Variants in SYVN1 observed in about 807,000 individuals in gnomAD.
SYVN1 encodes synoviolin 1.
Under a neutral mutation model 62.6 loss-of-function variants are expected in SYVN1, and 17 were observed. That is an observed-to-expected ratio of 0.27 (90% confidence interval 0.19 to 0.41). SYVN1 has a LOEUF of 0.41. Ranked by LOEUF, SYVN1 falls within the 10% of genes least tolerant of loss-of-function variation. SYVN1 has a pLI of 1.00. For missense variants in SYVN1, 634 were observed against 818.0 expected (o/e 0.78, Z 2.74); for synonymous variants, 316 against 304.0 (o/e 1.04, Z -0.41).
intron 14 of SYVN1, 93 bp from the exon 15 acceptor site, chr11:65,128,807 T>A (rs891544362): frequency 9.9e-6 from 13 of 1,317,458 alleles, no homozygotes; most frequent in Non-Finnish European, 1.3e-5. Flanking sequence ...GAACAGAGTA[T>A]AGAATGATGT....
At chr11:65,131,897 A>G (rs1460409178) in intron 6 of SYVN1, among the ~76,000 whole-genome samples, 1 of 152,176 alleles carries the variant, frequency 6.6e-6, no homozygotes, top group Non-Finnish European at 1.5e-5. Flanking sequence ...GCACTCAACA[A>G]ATATGAGCTG....
At chr11:65,129,488 G>A (rs925963318) in intron 14 of SYVN1, 1 of 457,814 alleles carries the variant, frequency 2.2e-6, no homozygotes, top group Non-Finnish European at 3.9e-6. Context: ...AAAATATAAA[G>A]GAATAAGATC....
chr11:65,129,892 G>A lies in SYVN1; in HGVS notation c.1432C>T (p.Pro478Ser), dbSNP rs748287910. The stretch of plus-strand genomic sequence containing the variant: ...GGGGTCAGCCCAGCAAAGCCCGCAG[G>A]GGGCACAGGCATTGGGGGGAAGGCT... ...PFAFPPMPVPPAGFAGLTPEE... is the reference protein window; with the variant it reads ...PFAFPPMPVPSAGFAGLTPEE... The change falls in exon 14 of 16, where the codon CCT (proline) becomes TCT (serine). Residue 478 changes from proline to serine, a missense_variant. Coordinates refer to ENST00000377190, the MANE Select transcript of SYVN1 (RefSeq NM_172230.3). 2 of 1,613,952 alleles carry A rather than the reference G, an allele frequency of 1.2e-6. No homozygotes were observed. The highest frequency in any genetic ancestry group is 1.1e-5 in the South Asian group (1 of 91,076).
Position 65,131,336 on chromosome 11 carries a change from G to C in SYVN1, c.696C>G (p.Thr232=), listed in dbSNP as rs768369509. ...GGAAGGTGTGCACCTTGATCATGAT[G>C]GTCATGAAGGCCATGTACAGCAGAA... ...IKVLLYMAFM[T]IMIKVHTFPL... Residue 232 remains threonine (T), a synonymous_variant, in exon 8 of 16, where the codon ACC becomes ACG. Transcript: ENST00000377190. 6.2e-7 allele frequency: 1 copy of C among 1,614,080 alleles called. No homozygotes were observed. Among genetic ancestry groups the C allele is most frequent in the Non-Finnish European group, 8.5e-7 (1 of 1,180,004 alleles).
At chr11:65,130,855 G>C in intron 10 of SYVN1, 32 bp from the exon 11 acceptor site, 2 of 1,602,360 alleles carry the variant, frequency 1.2e-6, no homozygotes, top group Non-Finnish European at 1.7e-6. Context: ...AGGTCAGCAG[G>C]TCCCTAGGGG....
intron 5 of SYVN1, 140 bp downstream of exon 5, chr11:65,132,592 G>A (rs1395720432): frequency 1.4e-4 from 149 of 1,095,158 alleles, no homozygotes; most frequent in Admixed American, 1.8e-5. Flanking sequence ...AAGCCCTAGA[G>A]TGGAACAGCA....
chr11:65,128,407 T>C lies in SYVN1; in HGVS notation c.1829A>G (p.Lys610Arg). The C allele has an allele frequency of 6.2e-7, 1 of 1,613,754 alleles. No homozygotes were observed. The highest frequency in any genetic ancestry group is 8.5e-7 in the Non-Finnish European group (1 of 1,179,948). Reference sequence around the variant, plus strand: ...TCAGTGGGCAACAGGAGACTCCAGCTTCTGCAGGCGGCGCCGGCGGAGCTC... The same window carrying C: ...TCAGTGGGCAACAGGAGACTCCAGCCTCTGCAGGCGGCGCCGGCGGAGCTC... ...AAELRRRRLQ[K>R]LESPVAH Residue 610 changes from lysine to arginine, a missense_variant, in exon 16 of 16, where the codon AAG becomes AGG. By Grantham distance (26) the Lys-to-Arg change is conservative (BLOSUM62 2). Transcript: ENST00000377190.
rs1199395427 is a variant in SYVN1 at position 65,130,324 on chromosome 11, G to A, written c.1161C>T (p.Pro387=). ...GCGGGACAGGTGGAAAGGGGCCCAT[G>A]GGGGGCCACAGTGGGAACATGCCTG... ...FPPGMFPLWP[P]MGPFPPVPPP... The change falls in exon 12 of 16, where the codon CCC becomes CCT. Residue 387 remains proline, a synonymous_variant. Coordinates refer to ENST00000377190, the MANE Select transcript of SYVN1 (RefSeq NM_172230.3). 4 of 1,579,622 alleles carry A rather than the reference G, an allele frequency of 2.5e-6. No individual in the cohort carries two copies. The highest frequency in any genetic ancestry group is 3.4e-6 in the Non-Finnish European group (4 of 1,164,140).
intron 14 of SYVN1, 130 bp downstream of exon 14, chr11:65,129,599 C>A: frequency 1.2e-6 from 1 of 803,438 alleles, no homozygotes; most frequent in Non-Finnish European, 2.0e-6. Flanking sequence ...CTCCTGGAGA[C>A]CCTTGGTGGG....
rs1353196169 is a variant in SYVN1 at position 65,129,989 on chromosome 11, T to A, written c.1408+13A>T. ...TCACCCCCAAGAAGAACCCAGAGAG[T>A]GGCCCAGCTTACCAAAGGGTGGAGG... On this transcript the variant is annotated intron_variant, in intron 13 of 15. Coordinates refer to ENST00000377190, the MANE Select transcript of SYVN1 (RefSeq NM_172230.3). 22 of 1,592,478 alleles carry A rather than the reference T, an allele frequency of 1.4e-5. No homozygotes were observed. Among genetic ancestry groups the A allele is most frequent in the Admixed American group, 5.1e-5 (3 of 58,368 alleles).
At chr11:65,130,886 C>T in intron 10 of SYVN1, 34 bp downstream of exon 10, 1 of 1,612,578 alleles carries the variant, frequency 6.2e-7, no homozygotes, top group Non-Finnish European at 8.5e-7. Context: ...GGGGCCTGTG[C>T]CCTGCTGTGC....
In SYVN1 at chr11:65,130,325, G is replaced by T; in HGVS notation, c.1160C>A (p.Pro387His). The T allele has an allele frequency of 6.3e-7, 1 of 1,578,710 alleles. No homozygotes were observed. Among genetic ancestry groups the T allele is most frequent in the East Asian group, 2.3e-5 (1 of 44,430 alleles). Residue 387 changes from proline (P) to histidine (H), a missense_variant, in exon 12 of 16, where the codon CCC (proline) becomes CAC (histidine). By Grantham distance (77) the Pro-to-His change is moderately conservative (BLOSUM62 -2). This residue lies in a region of SYVN1 where 351 missense variants were observed against 373.3 expected (regional missense o/e 0.94). Coordinates refer to ENST00000377190, the MANE Select transcript of SYVN1 (RefSeq NM_172230.3). ...FPPGMFPLWP[P>H]MGPFPPVPPP... ...CGGGACAGGTGGAAAGGGGCCCATG[G>T]GGGGCCACAGTGGGAACATGCCTGG...
In SYVN1 at chr11:65,130,842, C is replaced by G. The variant is rs796838215; in HGVS notation, c.942-19G>C. 9 of 1,590,824 alleles carry G rather than the reference C, an allele frequency of 5.7e-6. No homozygotes were observed. Among genetic ancestry groups the G allele is most frequent in the African/African-American group, 1.4e-5 (1 of 74,022 alleles). On this transcript the variant is annotated intron_variant, in intron 10 of 15. Coordinates refer to ENST00000377190, the MANE Select transcript of SYVN1 (RefSeq NM_172230.3). ...CAGGCAGCTGCGGGTCAAGGCCAGG[C>G]AGAGGTCAGCAGGTCCCTAGGGGCC...
chr11:65,129,925 G>C lies in SYVN1; in HGVS notation c.1409-10C>G, dbSNP rs371083440. The C allele has an allele frequency of 6.2e-7, 1 of 1,612,392 alleles. No individual in the cohort carries two copies. ...GGCATTGGGGGGAAGGCTGGAGAGA[G>C]AGAGGCTCAGTCTGGGCTGCTGGGG... is the stretch of plus-strand genomic sequence containing the variant. On this transcript the variant is annotated splice_polypyrimidine_tract_variant and intron_variant, in intron 13 of 15. Coordinates refer to ENST00000377190, the MANE Select transcript of SYVN1 (RefSeq NM_172230.3).
Position 65,130,727 on chromosome 11 carries a change from C to CG in SYVN1, c.1037dup (p.Glu347GlyfsTer150). 2 of 1,522,712 alleles carry CG rather than the reference C, an allele frequency of 1.3e-6. No homozygotes were observed. The allele number at this position is 1,522,712 out of a possible 1,614,324, so 94.3% of individuals were successfully genotyped here. ...GGGGTGGCCCCTGATCCGCAGGCTC[C>CG]GGGGGTGGTGGTGACTGCGCTGGCA... On this transcript the variant is annotated frameshift_variant, in exon 11 of 16. Coordinates refer to ENST00000377190, the MANE Select transcript of SYVN1 (RefSeq NM_172230.3). LOFTEE classifies it high-confidence loss of function.
At chr11:65,131,097 G>C in intron 9 of SYVN1, 35 bp downstream of exon 9, 1 of 1,614,022 alleles carries the variant, frequency 6.2e-7, no homozygotes, top group Non-Finnish European at 8.5e-7. Context: ...ACCCAGGACC[G>C]AGCTTGGGAC....
In SYVN1 at chr11:65,132,235, A is replaced by G. The variant is rs766552457; in HGVS notation, c.531+13T>C. On this transcript the variant is annotated intron_variant, in intron 6 of 15. Coordinates refer to ENST00000377190, the MANE Select transcript of SYVN1 (RefSeq NM_172230.3). ...CTCGGGCTTGTCCTCTCAACCTCCC[A>G]AGCCAGTTTTACCTCAAAGCCAAAC... 3 of 1,608,774 alleles carry G rather than the reference A, an allele frequency of 1.9e-6. No individual in the cohort carries two copies. The highest frequency in any genetic ancestry group is 1.6e-4 in the Middle Eastern group (1 of 6,074).
chr11:65,130,594 C>A, intron 11 of SYVN1, 66 bp downstream of exon 11: 1 of 1,480,140 alleles, frequency 6.8e-7, no homozygotes, highest in Non-Finnish European at 9.0e-7. Context: ...TTCCCAGCAT[C>A]TTCCACATCC....
At position 65,128,091 on chromosome 11, in the gene SYVN1, G is replaced by C; in HGVS notation, c.*291C>G. Reference sequence around the variant, plus strand: ...CTCCTGGAAAGGGGTGGGGGAAGAAGAGGGCTTCTCAGAGGCTAAACCTTC... The same window carrying C: ...CTCCTGGAAAGGGGTGGGGGAAGAACAGGGCTTCTCAGAGGCTAAACCTTC... On this transcript the variant is annotated 3_prime_UTR_variant, in exon 16 of 16. Coordinates refer to ENST00000377190, the MANE Select transcript of SYVN1 (RefSeq NM_172230.3). 1 of 535,188 alleles carries C rather than the reference G, an allele frequency of 1.9e-6. No homozygotes were observed. The highest frequency in any genetic ancestry group is 3.3e-6 in the Non-Finnish European group (1 of 300,108). 33.2% of individuals were successfully genotyped at this position (535,188 alleles called of 1,614,324 possible). A position where few individuals can be genotyped will look rare whatever the true frequency, so the allele number is the denominator to read the frequency against.
Sources: allele counts gnomAD v4.1 joint callset (sites outside exome capture counted in the v4.1 genomes callset), GRCh38; gene constraint gnomAD v4.1.1; regional missense constraint gnomAD v4.1.1; transcripts MANE v1.5; gene names NCBI Gene and HGNC (gene_info 2026-07-23, HGNC 2026-07-21).